The following ST3GAL1 variants were observed in gnomAD, a reference collection of about 807,000 sequenced individuals.
ST3GAL1 encodes ST3 beta-galactoside alpha-2,3-sialyltransferase 1.
In ST3GAL1, 16 loss-of-function variants were observed where a neutral mutation model predicts 34.1. The observed-to-expected ratio is 0.47, with a 90% CI of 0.32 to 0.71. The LOEUF is 0.71. ST3GAL1 is among the 30% of genes least tolerant of loss of function. The probability of loss-of-function intolerance (pLI) is 0.04; values close to 1 mark genes in which losing one functional copy is unlikely to be tolerated. For missense variants in ST3GAL1, 353 were observed against 447.4 expected, an observed-to-expected ratio of 0.79 and a Z score of 1.90; for synonymous variants, 191 against 184.7, an observed-to-expected ratio of 1.03 and a Z score of -0.28.
intron 1 of ST3GAL1, among the ~76,000 whole-genome samples, chr8:133,550,012 G>A (rs561464631): frequency 1.5e-4 from 23 of 152,290 alleles, no homozygotes; most frequent in African/African-American, 5.1e-4. Flanking sequence ...TGCACCCCAT[G>A]TGGGGCTCAC....
At chr8:133,485,535 CT>C (rs1218653016) in intron 3 of ST3GAL1, among the ~76,000 whole-genome samples, 1 of 152,218 alleles carries the variant, frequency 6.6e-6, no homozygotes, top group Non-Finnish European at 1.5e-5. Flanking sequence ...ACGCTTCAAG[CT>C]GCTGCCTCAC....
intron 1 of ST3GAL1, among the ~76,000 whole-genome samples, chr8:133,562,829 C>T (rs752670993): frequency 1.4e-4 from 14 of 97,682 alleles, no homozygotes; most frequent in African/African-American, 2.1e-4. Context: ...TTCCTTCCTT[C>T]CTTCCTTCCT....
At chr8:133,504,440 C>T (rs947172723) in intron 2 of ST3GAL1, among the ~76,000 whole-genome samples, 6 of 152,226 alleles carry the variant, frequency 3.9e-5, no homozygotes, top group Non-Finnish European at 8.8e-5. Context: ...AAACATCTCC[C>T]GTTTCTGGGA....
At chr8:133,543,385 G>T (rs548677398) in intron 2 of ST3GAL1, among the ~76,000 whole-genome samples, 2 of 152,158 alleles carry the variant, frequency 1.3e-5, no homozygotes, top group Admixed American at 1.3e-4. Flanking sequence ...AAATCAGAAG[G>T]TTAGATAATA....
At chr8:133,463,767 C>T (rs1323870372) in intron 7 of ST3GAL1, among the ~76,000 whole-genome samples, 1 of 152,206 alleles carries the variant, frequency 6.6e-6, no homozygotes, top group Non-Finnish European at 1.5e-5. Context: ...GGCCGTGGTG[C>T]CTCCACCTCT....
At chr8:133,523,043 C>A (rs181776705) in intron 2 of ST3GAL1, among the ~76,000 whole-genome samples, 50 of 152,266 alleles carry the variant, frequency 3.3e-4, no homozygotes, top group Admixed American at 1.3e-3. Flanking sequence ...AGTTTCTGGA[C>A]AACTGTGCTC....
rs974218972 is a variant in ST3GAL1, at chr8:133,461,585, G to A, written c.849+290C>T. ...TAGACAACTCTCGCTATGAGAATCC[G>A]CTTCTGTATCCGGAATCTGCTGCGA... is the stretch of plus-strand genomic sequence containing the variant. On this transcript the variant is annotated intron_variant, in intron 9 of 9. Transcript: ENST00000522652. This position sits in a 1 kb window ranked among gnomAD's most constrained non-coding sequence, Gnocchi z 4.7. Among the ~76,000 whole-genome samples the A allele has an allele frequency of 2.0e-5, 3 of 152,160 alleles. No individual in the cohort carries two copies. Among genetic ancestry groups the A allele is most frequent in the Admixed American group, 1.3e-4 (2 of 15,272 alleles).
intron 5 of ST3GAL1, among the ~76,000 whole-genome samples, chr8:133,473,327 C>T (rs1816037205): frequency 6.6e-6 from 1 of 152,120 alleles, no homozygotes; most frequent in African/African-American, 2.4e-5. Flanking sequence ...CAAAAGTCAC[C>T]TAACTTTTCT....
intron 2 of ST3GAL1, among the ~76,000 whole-genome samples, chr8:133,511,045 T>C (rs1817487309): frequency 6.6e-6 from 1 of 152,220 alleles, no homozygotes; most frequent in Non-Finnish European, 1.5e-5. Context: ...GGCAAAGAAA[T>C]GAAAACCTCG....
chr8:133,481,096 C>T (rs954715753), intron 3 of ST3GAL1, among the ~76,000 whole-genome samples: 12 of 152,180 alleles, frequency 7.9e-5, no homozygotes, highest in Non-Finnish European at 1.0e-4. Context: ...TCTATTTTCT[C>T]GGTTGCTCTT....
intron 2 of ST3GAL1, among the ~76,000 whole-genome samples, chr8:133,534,170 T>A (rs777975188): frequency 1.3e-5 from 2 of 152,026 alleles, no homozygotes; most frequent in Non-Finnish European, 2.9e-5. Flanking sequence ...AAGCAAATCA[T>A]CTCCCCAGAC....
intron 3 of ST3GAL1, among the ~76,000 whole-genome samples, chr8:133,487,785 A>G (rs1432047122): frequency 6.6e-6 from 1 of 152,130 alleles, no homozygotes; most frequent in Non-Finnish European, 1.5e-5. Context: ...CCCAGACAAC[A>G]TGGTGAAACC....
chr8:133,514,375 A>G (rs1485120994), intron 2 of ST3GAL1, among the ~76,000 whole-genome samples: 1 of 152,138 alleles, frequency 6.6e-6, no homozygotes, highest in African/African-American at 2.4e-5. Context: ...CCAGTGTCAC[A>G]GCTATTTGCT....
At chr8:133,547,959 T>G (rs924173697) in intron 1 of ST3GAL1, among the ~76,000 whole-genome samples, 5 of 152,196 alleles carry the variant, frequency 3.3e-5, no homozygotes, top group African/African-American at 4.8e-5. Context: ...ATTTAGTGAC[T>G]GTCTAAGCCC....
intron 1 of ST3GAL1, among the ~76,000 whole-genome samples, chr8:133,566,038 A>G (rs1000336836): frequency 2.0e-5 from 3 of 152,238 alleles, no homozygotes; most frequent in Admixed American, 1.3e-4. Flanking sequence ...CCACATAGGA[A>G]GGGCTCCCTC....
intron 1 of ST3GAL1, among the ~76,000 whole-genome samples, chr8:133,558,122 C>T (rs1193093785): frequency 6.6e-6 from 1 of 152,168 alleles, no homozygotes; most frequent in East Asian, 1.9e-4. Context: ...TGAGAAAGAG[C>T]CTTCTAAACC....
intron 7 of ST3GAL1, among the ~76,000 whole-genome samples, chr8:133,463,996 G>A (rs1035258859): frequency 1.7e-5 from 1 of 60,340 alleles, no homozygotes; most frequent in Non-Finnish European, 3.0e-5. Context: ...CCTCACTCCC[G>A]GTCTCCTGAG....
rs1815313903 is a variant in ST3GAL1 at position 133,456,714 on chromosome 8, A to T, written c.*3050T>A. The T allele has an allele frequency of 6.6e-6, 1 of 152,288 alleles. No individual in the cohort carries two copies. Among genetic ancestry groups the T allele is most frequent in the Non-Finnish European group, 1.5e-5 (1 of 68,080 alleles). The allele number at this position is 152,288 out of a possible 1,614,324, so 9.4% of individuals were successfully genotyped here. The stretch of plus-strand genomic sequence containing the variant: ...TATCTGCTGGGCTGTGGGAAAGAGA[A>T]ATGCAGTCTCCTGCACGGGAGGGTG... On this transcript the variant is annotated 3_prime_UTR_variant, in exon 10 of 10. Coordinates refer to ENST00000522652, the MANE Select transcript of ST3GAL1 (RefSeq NM_173344.3).
chr8:133,484,534 C>G (rs1034749012), intron 3 of ST3GAL1, among the ~76,000 whole-genome samples: 89 of 152,170 alleles, frequency 5.8e-4, no homozygotes, highest in Admixed American at 5.8e-3. Flanking sequence ...TTCCTACACA[C>G]TCTGTGCTCG....
Sources: gnomAD v4.1 joint callset for allele counts (sites outside exome capture counted in the v4.1 genomes callset) on GRCh38, gnomAD v4.1.1 for gene constraint, Gnocchi (gnomAD v3.1) non-coding constraint, MANE v1.5 for transcripts, NCBI Gene and HGNC (gene_info 2026-07-23, HGNC 2026-07-21) for gene names.